ENTREP2: variants seen among roughly 807,000 people sequenced by gnomAD.
The protein encoded by ENTREP2 is protein ENTREP2.
the ENTREP2 span, among the ~76,000 whole-genome samples, chr15:29,390,404 C>A: frequency 3.3e-5 from 5 of 151,746 alleles, no homozygotes; most frequent in Non-Finnish European, 5.9e-5. Context: ...GGAAGAGTAA[C>A]ATAGAATTAA....
chr15:29,415,557 A>C, the ENTREP2 span, among the ~76,000 whole-genome samples: 52 of 152,234 alleles, frequency 3.4e-4, no homozygotes, highest in African/African-American at 1.2e-3. Context: ...TGAATGGGCA[A>C]AAACTGGAAG....
At chr15:29,511,063 G>GA in the ENTREP2 span, among the ~76,000 whole-genome samples, 3 of 152,092 alleles carry the variant, frequency 2.0e-5, no homozygotes. Flanking sequence ...CAAGGGGAGG[G>GA]ATAGCATTAG....
chr15:29,552,245 G>A, the ENTREP2 span, among the ~76,000 whole-genome samples: 2 of 152,110 alleles, frequency 1.3e-5, no homozygotes, highest in Admixed American at 1.3e-4. Flanking sequence ...GGAGACAGAA[G>A]GGGAAATGTG....
the ENTREP2 span, among the ~76,000 whole-genome samples, chr15:29,584,977 CAG>C: frequency 6.9e-6 from 1 of 144,936 alleles, no homozygotes; most frequent in East Asian, 2.0e-4. Flanking sequence ...AAAATATAAA[CAG>C]TAAACTCAAA....
At chr15:29,270,558 C>A in the ENTREP2 span, among the ~76,000 whole-genome samples, 1 of 152,198 alleles carries the variant, frequency 6.6e-6, no homozygotes, top group Non-Finnish European at 1.5e-5. Flanking sequence ...CGTGCACTCT[C>A]AAGAGATTAC....
At chr15:29,348,519 G>A in the ENTREP2 span, among the ~76,000 whole-genome samples, 1 of 152,190 alleles carries the variant, frequency 6.6e-6, no homozygotes, top group South Asian at 2.1e-4. Flanking sequence ...GAGTGGGAGG[G>A]GTGGTTGCAG....
chr15:29,509,554 A>T, the ENTREP2 span, among the ~76,000 whole-genome samples: 22 of 152,176 alleles, frequency 1.4e-4, no homozygotes, highest in Admixed American at 3.9e-4. Flanking sequence ...ACCAAAACAG[A>T]CATACAGGCC....
At chr15:29,382,370 C>A in the ENTREP2 span, among the ~76,000 whole-genome samples, 1 of 152,088 alleles carries the variant, frequency 6.6e-6, no homozygotes, top group Non-Finnish European at 1.5e-5. Context: ...CTGGGCATGG[C>A]AGACCCTGCA....
chr15:29,352,381 C>T, the ENTREP2 span, among the ~76,000 whole-genome samples: 1 of 152,162 alleles, frequency 6.6e-6, no homozygotes, highest in East Asian at 1.9e-4. Context: ...TATTAATAGC[C>T]ACAAGCACAT....
At chr15:29,610,979 T>G in the ENTREP2 span, 1 of 152,244 alleles carries the variant, frequency 6.6e-6, no homozygotes, top group Non-Finnish European at 1.5e-5. Flanking sequence ...GAAGCCATGA[T>G]TCATGTGGGC....
the ENTREP2 span, among the ~76,000 whole-genome samples, chr15:29,567,112 A>C: frequency 6.6e-6 from 1 of 152,184 alleles, no homozygotes; most frequent in Non-Finnish European, 1.5e-5. Context: ...TCCACAAGGG[A>C]ACTGATCCAC....
the ENTREP2 span, among the ~76,000 whole-genome samples, chr15:29,561,183 C>T: frequency 0.91 from 136,402 of 150,098 alleles, 62,054 homozygotes; most frequent in East Asian, 0.98. Context: ...CGGAAAACAG[C>T]ATGAAAGCTC....
At chr15:29,471,414 G>A in the ENTREP2 span, among the ~76,000 whole-genome samples, 1 of 152,244 alleles carries the variant, frequency 6.6e-6, no homozygotes, top group East Asian at 1.9e-4. Flanking sequence ...AATAGAAAGT[G>A]AGGGCACAGG....
chr15:29,522,656 C>T, the ENTREP2 span, among the ~76,000 whole-genome samples: 2 of 152,200 alleles, frequency 1.3e-5, no homozygotes, highest in Non-Finnish European at 2.9e-5. Flanking sequence ...CAATAGCCCA[C>T]AATCACAGTG....
At chr15:29,132,177 T>C in the ENTREP2 span, among the ~76,000 whole-genome samples, 1 of 152,152 alleles carries the variant, frequency 6.6e-6, no homozygotes, top group Admixed American at 6.5e-5. Context: ...GGAGCACTAC[T>C]GACCCTGCCT....
At chr15:29,279,343 G>GT in the ENTREP2 span, among the ~76,000 whole-genome samples, 3 of 151,644 alleles carry the variant, frequency 2.0e-5, no homozygotes, top group Non-Finnish European at 4.4e-5. Flanking sequence ...GAATCAGCTT[G>GT]TTTATTCCTG....
the ENTREP2 span, among the ~76,000 whole-genome samples, chr15:29,625,515 C>T: frequency 2.0e-5 from 3 of 152,150 alleles, no homozygotes; most frequent in Admixed American, 1.3e-4. Flanking sequence ...CCTGCCTCAG[C>T]CTCCCGAGTA....
the ENTREP2 span, among the ~76,000 whole-genome samples, chr15:29,297,123 A>G: frequency 6.6e-5 from 10 of 152,216 alleles, no homozygotes; most frequent in African/African-American, 1.7e-4. Context: ...ACAAAATTCA[A>G]CACTCTCTGA....
At chr15:29,357,033 A>G in the ENTREP2 span, among the ~76,000 whole-genome samples, 1 of 152,188 alleles carries the variant, frequency 6.6e-6, no homozygotes, top group South Asian at 2.1e-4. Context: ...GTGCCTAGAA[A>G]CAGACACACA....
Sources: gnomAD v4.1 joint callset for allele counts (sites outside exome capture counted in the v4.1 genomes callset) on GRCh38, gnomAD v4.1.1 for gene constraint, MANE v1.5 for transcripts, NCBI Gene and HGNC (gene_info 2026-07-23, HGNC 2026-07-21) for gene names.